The following WWOX variants were observed in gnomAD, a reference collection of about 807,000 sequenced individuals.
WWOX encodes the protein WW domain-containing oxidoreductase.
Under a neutral mutation model 46.2 loss-of-function variants are expected in WWOX, and 69 were observed. The observed-to-expected ratio is 1.49, with a 90% CI of 1.23 to 1.82. WWOX has a LOEUF of 1.82. Ranked by LOEUF, WWOX falls within the 40% of genes most tolerant of loss-of-function variation. The probability of loss-of-function intolerance (pLI) is 0.00; values close to 1 mark genes in which losing one functional copy is unlikely to be tolerated. For missense variants in WWOX, 919 were observed against 542.6 expected (o/e 1.69, Z -6.89); for synonymous variants, 359 against 202.6 (o/e 1.77, Z -6.56).
chr16:78,437,023 T>C (rs1290169993), intron 8 of WWOX, among the ~76,000 whole-genome samples: 3 of 152,212 alleles, frequency 2.0e-5, no homozygotes, highest in Admixed American at 2.0e-4. Flanking sequence ...AGATGGCTAG[T>C]GTGCTCTGCC....
intron 5 of WWOX, among the ~76,000 whole-genome samples, chr16:78,281,648 T>G (rs948351902): frequency 1.3e-5 from 2 of 152,208 alleles, no homozygotes; most frequent in Admixed American, 1.3e-4. Context: ...CAGGCATGGC[T>G]GCGAGAAACT....
chr16:78,352,069 A>C (rs1403773903), intron 5 of WWOX, among the ~76,000 whole-genome samples: 2 of 152,142 alleles, frequency 1.3e-5, no homozygotes, highest in African/African-American at 4.8e-5. Flanking sequence ...AGTGGTGGAG[A>C]TGGTGGCGCA....
chr16:79,000,728 A>C (rs1683382760), intron 8 of WWOX, among the ~76,000 whole-genome samples: 1 of 152,118 alleles, frequency 6.6e-6, no homozygotes, highest in South Asian at 2.1e-4. Flanking sequence ...TTAAGCCACT[A>C]ATTTGGGGGT....
At chr16:78,282,042 C>T (rs1215684846) in intron 5 of WWOX, among the ~76,000 whole-genome samples, 1 of 152,210 alleles carries the variant, frequency 6.6e-6, no homozygotes, top group African/African-American at 2.4e-5. Flanking sequence ...CCAAAAGCCA[C>T]AGGGAGAACC....
intron 5 of WWOX, among the ~76,000 whole-genome samples, chr16:78,358,884 T>TTTTTA (rs71137890): frequency 6.7e-6 from 1 of 148,768 alleles, no homozygotes; most frequent in Non-Finnish European, 1.5e-5. Context: ...TTTTTTTTTT[T>TTTTTA]AACCAGACAT....
At chr16:78,382,810 C>CAGCAA (rs1486785008) in intron 5 of WWOX, among the ~76,000 whole-genome samples, 9 of 152,012 alleles carry the variant, frequency 5.9e-5, no homozygotes, top group African/African-American at 2.2e-4. Context: ...CACAAAGGTA[C>CAGCAA]AGCAAAGAAA....
chr16:79,092,615 T>C (rs1490387452), intron 8 of WWOX, among the ~76,000 whole-genome samples: 1 of 152,212 alleles, frequency 6.6e-6, no homozygotes, highest in Non-Finnish European at 1.5e-5. Flanking sequence ...ATCTGATTCA[T>C]CTGGCGAAAC....
intron 8 of WWOX, among the ~76,000 whole-genome samples, chr16:79,019,933 C>A (rs909409313): frequency 6.6e-6 from 1 of 152,192 alleles, no homozygotes; most frequent in African/African-American, 2.4e-5. Context: ...CACTGGGTGA[C>A]TGCATCCATA....
chr16:78,541,906 A>C (rs1330081894), intron 8 of WWOX, among the ~76,000 whole-genome samples: 1 of 151,346 alleles, frequency 6.6e-6, no homozygotes, highest in East Asian at 2.0e-4. Context: ...AAAAAATAAA[A>C]GTTAAATTTG....
intron 8 of WWOX, among the ~76,000 whole-genome samples, chr16:78,653,964 A>G (rs1304607497): frequency 6.6e-6 from 1 of 152,232 alleles, no homozygotes; most frequent in Non-Finnish European, 1.5e-5. Flanking sequence ...TATTCTTACA[A>G]AAGGCAAAGC....
At chr16:78,848,456 C>G (rs2052356327) in intron 8 of WWOX, among the ~76,000 whole-genome samples, 1 of 152,194 alleles carries the variant, frequency 6.6e-6, no homozygotes, top group African/African-American at 2.4e-5. Context: ...TGTTTATCAG[C>G]TCACACCAAG....
chr16:79,164,864 C>A (rs986117814), intron 8 of WWOX, among the ~76,000 whole-genome samples: 19 of 152,106 alleles, frequency 1.2e-4, no homozygotes, highest in African/African-American at 4.1e-4. Context: ...ATAAAACCTA[C>A]AAATACACAC....
intron 8 of WWOX, among the ~76,000 whole-genome samples, chr16:78,842,542 T>C (rs1265828504): frequency 6.6e-6 from 1 of 151,872 alleles, no homozygotes; most frequent in Non-Finnish European, 1.5e-5. Context: ...TGGGAAAGGA[T>C]CTAAGATGAT....
At chr16:78,104,952 G>T (rs2032047574) in intron 1 of WWOX, among the ~76,000 whole-genome samples, 1 of 152,190 alleles carries the variant, frequency 6.6e-6, no homozygotes, top group African/African-American at 2.4e-5. Context: ...TGGCAAATGG[G>T]AGACCCAGAA....
chr16:79,048,715 T>C (rs2048111379), intron 8 of WWOX, among the ~76,000 whole-genome samples: 1 of 152,192 alleles, frequency 6.6e-6, no homozygotes, highest in Non-Finnish European at 1.5e-5. Context: ...ACTTTCAAAT[T>C]GTCTTGCCTG....
chr16:78,675,279 T>G (rs1383100935), intron 8 of WWOX, among the ~76,000 whole-genome samples: 5 of 152,166 alleles, frequency 3.3e-5, no homozygotes, highest in African/African-American at 1.2e-4. Context: ...AGAAGTTCTT[T>G]AAGCTACAGC....
chr16:78,825,756 G>C (rs1383193051), intron 8 of WWOX: 2 of 595,326 alleles, frequency 3.4e-6, no homozygotes, highest in Non-Finnish European at 3.2e-6. Context: ...ATCCCCAGCG[G>C]AGACCATGTT....
intron 5 of WWOX, among the ~76,000 whole-genome samples, chr16:78,379,908 T>C (rs2081917741): frequency 6.6e-6 from 1 of 152,236 alleles, no homozygotes; most frequent in Admixed American, 6.5e-5. Flanking sequence ...CATGAGACGT[T>C]GCCTTTGAAG....
chr16:78,238,040 G>C (rs894379201), intron 5 of WWOX: 8 of 152,264 alleles, frequency 5.3e-5, no homozygotes, highest in Non-Finnish European at 1.2e-4. Context: ...AGGAGGCTGT[G>C]GTCTGAGTCT....
Sources: gnomAD v4.1 joint callset for allele counts (sites outside exome capture counted in the v4.1 genomes callset) on GRCh38, gnomAD v4.1.1 for gene constraint, MANE v1.5 for transcripts, NCBI Gene and HGNC (gene_info 2026-07-23, HGNC 2026-07-21) for gene names.